Variants in HS6ST3 observed in about 807,000 individuals in gnomAD.
HS6ST3 encodes the protein heparan-sulfate 6-O-sulfotransferase 3.
A neutral mutation model predicts 36.7 loss-of-function variants in HS6ST3; 12 were observed. The observed-to-expected ratio is 0.33, with a 90% CI of 0.21 to 0.53. The LOEUF (loss-of-function observed/expected upper bound fraction) is 0.53. Among genes scored for constraint, HS6ST3 ranks in the 20% least tolerant of loss-of-function variants. The pLI, the probability that HS6ST3 is intolerant of heterozygous loss-of-function variation, is 0.95. For missense variants in HS6ST3, 584 were observed against 640.9 expected (o/e 0.91, Z 0.96); for synonymous variants, 240 against 257.5 (o/e 0.93, Z 0.65).
At chr13:96,118,924 A>G (rs1391261060) in intron 1 of HS6ST3, among the ~76,000 whole-genome samples, 1 of 149,866 alleles carries the variant, frequency 6.7e-6, no homozygotes, top group Admixed American at 6.7e-5. Context: ...GTTAGCCAGG[A>G]TGGTCTTGAT....
chr13:96,322,968 C>T (rs893214909), intron 1 of HS6ST3, among the ~76,000 whole-genome samples: 6 of 152,152 alleles, frequency 3.9e-5, no homozygotes, highest in Non-Finnish European at 8.8e-5. Context: ...CCTCCTACCT[C>T]ACAGGTGATT....
chr13:96,384,288 T>A (rs1380554971), intron 1 of HS6ST3, among the ~76,000 whole-genome samples: 2 of 152,188 alleles, frequency 1.3e-5, no homozygotes, highest in Admixed American at 1.3e-4. Context: ...TTATTCTTAT[T>A]TAAAATCATA....
chr13:96,100,619 A>G (rs1201455398), intron 1 of HS6ST3, among the ~76,000 whole-genome samples: 1 of 152,218 alleles, frequency 6.6e-6, no homozygotes, highest in Non-Finnish European at 1.5e-5. Flanking sequence ...GAAAGCAGCC[A>G]CTGCTAGAGC....
chr13:96,368,861 G>A (rs561782689), intron 1 of HS6ST3, among the ~76,000 whole-genome samples: 2 of 152,232 alleles, frequency 1.3e-5, no homozygotes, highest in South Asian at 4.1e-4. Context: ...ACATGCCGAT[G>A]TTTATTATAA....
intron 1 of HS6ST3, among the ~76,000 whole-genome samples, chr13:96,592,240 G>A (rs946514785): frequency 1.3e-5 from 2 of 151,946 alleles, no homozygotes; most frequent in Non-Finnish European, 2.9e-5. Flanking sequence ...ACAACTAAAC[G>A]CTGTTTGCAT....
chr13:96,752,302 A>G (rs770925952), intron 1 of HS6ST3, among the ~76,000 whole-genome samples: 2 of 151,396 alleles, frequency 1.3e-5, no homozygotes, highest in Admixed American at 6.6e-5. Flanking sequence ...GCCGTTTACA[A>G]TCATGCTTGA....
rs185027076 is a variant in HS6ST3 at position 96,295,997 on chromosome 13, G to A, written c.707+204428G>A. ...TTTCCAAGTGTGTGCCCATTGTCTA[G>A]TCTAGTCCTGGGCCCTCAGTACAGG... On this transcript the variant is annotated intron_variant, in intron 1 of 1. Coordinates refer to ENST00000376705, the MANE Select transcript of HS6ST3 (RefSeq NM_153456.4). Among the ~76,000 whole-genome samples the A allele has an allele frequency of 7.2e-4, 110 of 152,186 alleles. 2 individuals are homozygous for A. Among genetic ancestry groups the A allele is most frequent in the African/African-American group, 2.5e-3 (105 of 41,538 alleles).
At chr13:96,091,599 C>CG in intron 1 of HS6ST3, 30 bp downstream of exon 1, 1 of 1,097,128 alleles carries the variant, frequency 9.1e-7, no homozygotes, top group Non-Finnish European at 1.3e-6. Flanking sequence ...CTCTGTTCTT[C>CG]CCCCCCACCC....
chr13:96,286,103 G>A (rs2054800992), intron 1 of HS6ST3, among the ~76,000 whole-genome samples: 1 of 149,780 alleles, frequency 6.7e-6, no homozygotes, highest in South Asian at 2.1e-4. Flanking sequence ...GTTTTCCTTG[G>A]TGTTGGCTTC....
At chr13:96,475,721 G>A (rs1204199805) in intron 1 of HS6ST3, among the ~76,000 whole-genome samples, 3 of 151,830 alleles carry the variant, frequency 2.0e-5, no homozygotes, top group African/African-American at 4.8e-5. Context: ...ATTCAACAAT[G>A]GTCACAGGTC....
At chr13:96,636,788 G>A (rs1472439459) in intron 1 of HS6ST3, among the ~76,000 whole-genome samples, 2 of 152,070 alleles carry the variant, frequency 1.3e-5, no homozygotes, top group Admixed American at 6.6e-5. Flanking sequence ...TGTTTTAAAC[G>A]AGTTGACGAG....
At chr13:96,380,486 G>A (rs571173106) in intron 1 of HS6ST3, among the ~76,000 whole-genome samples, 236 of 151,924 alleles carry the variant, frequency 1.6e-3, no homozygotes, top group Middle Eastern at 0.014. Flanking sequence ...GGCTCATCTC[G>A]AACTACTGAC....
chr13:96,578,078 G>A (rs1327522366), intron 1 of HS6ST3, among the ~76,000 whole-genome samples: 1 of 152,186 alleles, frequency 6.6e-6, no homozygotes, highest in Non-Finnish European at 1.5e-5. Flanking sequence ...CACCAAAGTG[G>A]ACTCTGGTTT....
chr13:96,370,475 A>G (rs1414647771), intron 1 of HS6ST3, among the ~76,000 whole-genome samples: 1 of 152,236 alleles, frequency 6.6e-6, no homozygotes, highest in Non-Finnish European at 1.5e-5. Flanking sequence ...ATGGAAACCC[A>G]TCAACACATT....
intron 1 of HS6ST3, among the ~76,000 whole-genome samples, chr13:96,188,105 T>C (rs1431019841): frequency 1.3e-5 from 2 of 152,144 alleles, no homozygotes; most frequent in African/African-American, 4.8e-5. Flanking sequence ...CATGGGAGTG[T>C]TGTTTCTGGC....
chr13:96,236,727 C>G (rs2054536399), intron 1 of HS6ST3, among the ~76,000 whole-genome samples: 1 of 152,140 alleles, frequency 6.6e-6, no homozygotes, highest in African/African-American at 2.4e-5. Context: ...CTCAAATAGC[C>G]AGTCAGCACC....
chr13:96,292,238 A>G (rs2054833768), intron 1 of HS6ST3, among the ~76,000 whole-genome samples: 2 of 151,592 alleles, frequency 1.3e-5, no homozygotes, highest in Admixed American at 6.6e-5. Context: ...GTGTGTGTAT[A>G]AAAGTTTAGA....
intron 1 of HS6ST3, among the ~76,000 whole-genome samples, chr13:96,764,709 C>CT (rs1877052456): frequency 6.6e-6 from 1 of 152,178 alleles, no homozygotes; most frequent in Admixed American, 6.5e-5. Context: ...GTGAGAATGA[C>CT]ATATCTGTTC....
chr13:96,557,884 T>C (rs1396548721), intron 1 of HS6ST3, among the ~76,000 whole-genome samples: 1 of 152,178 alleles, frequency 6.6e-6, no homozygotes, highest in Non-Finnish European at 1.5e-5. Context: ...CTGTGTGTTT[T>C]TAGGCAAGAT....
Sources: allele counts gnomAD v4.1 joint callset (sites outside exome capture counted in the v4.1 genomes callset), GRCh38; gene constraint gnomAD v4.1.1; transcripts MANE v1.5; gene names NCBI Gene and HGNC (gene_info 2026-07-23, HGNC 2026-07-21).